The following SASH1 variants were observed in gnomAD, a reference collection of about 807,000 sequenced individuals.
SASH1 encodes SAM and SH3 domain-containing protein 1.
A neutral mutation model predicts 125.2 loss-of-function variants in SASH1; 44 were observed. The ratio of observed to expected loss-of-function variants is 0.35; its 90% CI spans 0.28 to 0.45. SASH1 has a LOEUF of 0.45. Among genes scored for constraint, SASH1 ranks in the 20% least tolerant of loss-of-function variants. The pLI, the probability that SASH1 is intolerant of heterozygous loss-of-function variation, is 1.00. For synonymous variants in SASH1, 639 were observed against 649.1 expected, an observed-to-expected ratio of 0.98 and a Z score of 0.24; for missense variants, 1,426 against 1,614.5, an observed-to-expected ratio of 0.88 and a Z score of 2.00.
the SASH1 span, among the ~76,000 whole-genome samples, chr6:148,242,089 G>A: frequency 5.3e-5 from 8 of 152,248 alleles, no homozygotes; most frequent in East Asian, 1.9e-4. Context: ...TTCCACACAC[G>A]GACATCGTAA....
chr6:148,343,357 G>C (rs1781408109), intron 1 of SASH1, 134 bp downstream of exon 1: 2 of 749,494 alleles, frequency 2.7e-6, no homozygotes, highest in Non-Finnish European at 4.2e-6. Context: ...CTAGTTCTTA[G>C]GGGGCTAAAT....
At chr6:148,326,424 A>T (rs1582969132) in intron 1 of SASH1, among the ~76,000 whole-genome samples, 4 of 47,708 alleles carry the variant, frequency 8.4e-5, no homozygotes, top group East Asian at 8.8e-4. Flanking sequence ...CTTTTTTTTG[A>T]GACAGGGTCT....
the SASH1 span, among the ~76,000 whole-genome samples, chr6:148,223,543 T>G: frequency 6.6e-6 from 1 of 152,200 alleles, no homozygotes; most frequent in Admixed American, 6.5e-5. Context: ...CTTTAAACTA[T>G]GTTGCTTCTC....
intron 4 of SASH1, among the ~76,000 whole-genome samples, chr6:148,457,890 C>T (rs1036568364): frequency 1.3e-5 from 2 of 152,194 alleles, no homozygotes; most frequent in East Asian, 3.8e-4. Context: ...CCTTATAAAA[C>T]CATCAGCTCT....
intron 1 of SASH1, among the ~76,000 whole-genome samples, chr6:148,318,686 C>T (rs928837783): frequency 6.6e-6 from 1 of 150,814 alleles, no homozygotes; most frequent in Non-Finnish European, 1.5e-5. Context: ...ACGAGTAGCT[C>T]GGACTACAGG....
At chr6:148,293,138 G>T (rs1214393887) in intron 1 of SASH1, among the ~76,000 whole-genome samples, 1 of 152,064 alleles carries the variant, frequency 6.6e-6, no homozygotes, top group Non-Finnish European at 1.5e-5. Flanking sequence ...ATCTCAAAGG[G>T]CTCATTTCAC....
intron 1 of SASH1, among the ~76,000 whole-genome samples, chr6:148,333,566 C>CTGT (rs896288557): frequency 6.6e-6 from 1 of 151,502 alleles, no homozygotes; most frequent in African/African-American, 2.4e-5. Context: ...ATCGTTGTCG[C>CTGT]TGTTGTTGTT....
chr6:148,486,991 A>ATG (rs1778889052), intron 7 of SASH1, among the ~76,000 whole-genome samples: 1 of 78,902 alleles, frequency 1.3e-5, no homozygotes, highest in East Asian at 3.9e-4. Flanking sequence ...ATATATATAT[A>ATG]TATGTATTTG....
intron 19 of SASH1, 112 bp downstream of exon 19, chr6:148,546,258 A>AGAC (rs1489482705): frequency 7.8e-7 from 1 of 1,278,310 alleles, no homozygotes; most frequent in African/African-American, 1.5e-5. Context: ...TATGGAAAGG[A>AGAC]GACAGCTGGG....
At chr6:148,316,125 T>C (rs1348171573) in intron 1 of SASH1, among the ~76,000 whole-genome samples, 1 of 152,222 alleles carries the variant, frequency 6.6e-6, no homozygotes, top group East Asian at 1.9e-4. Context: ...AAAACCTTTA[T>C]TATTTTTCCA....
intron 8 of SASH1, chr6:148,512,589 C>G: frequency 1.0e-6 from 1 of 985,152 alleles, no homozygotes; most frequent in Non-Finnish European, 1.2e-6. Context: ...TCAAACCAGA[C>G]AAAACCATTT....
At chr6:148,301,384 G>A (rs181410873) in intron 1 of SASH1, among the ~76,000 whole-genome samples, 91 of 148,238 alleles carry the variant, frequency 6.1e-4, no homozygotes, top group Non-Finnish European at 1.2e-3. Flanking sequence ...TCCTGCCTCT[G>A]CTTCCCGAGT....
the SASH1 span, among the ~76,000 whole-genome samples, chr6:148,244,844 G>T: frequency 6.6e-6 from 1 of 151,954 alleles, no homozygotes; most frequent in Non-Finnish European, 1.5e-5. Flanking sequence ...AAGGAAGAAA[G>T]AACTTCATTT....
chr6:148,449,607 G>A (rs1235635315), intron 4 of SASH1, among the ~76,000 whole-genome samples: 1 of 151,932 alleles, frequency 6.6e-6, no homozygotes, highest in Non-Finnish European at 1.5e-5. Flanking sequence ...GCCTGGTCTC[G>A]AACTCCCGAC....
chr6:148,455,424 T>A (rs1374062431), intron 4 of SASH1, among the ~76,000 whole-genome samples: 1 of 152,138 alleles, frequency 6.6e-6, no homozygotes, highest in Non-Finnish European at 1.5e-5. Context: ...ACGGTGACCT[T>A]GGAAAGCTTC....
intron 4 of SASH1, among the ~76,000 whole-genome samples, chr6:148,449,854 CAA>C (rs750491865): frequency 1.3e-5 from 2 of 152,158 alleles, no homozygotes; most frequent in African/African-American, 2.4e-5. Flanking sequence ...CAGGACCAAA[CAA>C]GAGAGTAACC....
At chr6:148,239,281 CAG>C in the SASH1 span, among the ~76,000 whole-genome samples, 1 of 152,158 alleles carries the variant, frequency 6.6e-6, no homozygotes, top group African/African-American at 2.4e-5. Context: ...GATAACATAA[CAG>C]TGTGATCCTT....
Position 148,486,607 on chromosome 6 carries a change from CAT to C in SASH1, c.628-1006_628-1005del, listed in dbSNP as rs202068653. Among the ~76,000 whole-genome samples, 1,245 of 151,796 alleles carry C rather than the reference CAT, an allele frequency of 8.2e-3. 23 individuals carry two copies. Among genetic ancestry groups the C allele is most frequent in the African/African-American group, 0.029 (1,192 of 41,336 alleles). ...TTGAAGCCATTTTGAACAAGACAAACATGTGATTGTTAAAAATCTGTTTCAGG... is the reference window on the plus strand; with the variant it reads ...TTGAAGCCATTTTGAACAAGACAAACGTGATTGTTAAAAATCTGTTTCAGG... On this transcript the variant is annotated intron_variant, in intron 7 of 19. Transcript: ENST00000367467.
intron 8 of SASH1, chr6:148,513,421 G>A: frequency 1.0e-6 from 1 of 985,488 alleles, no homozygotes; most frequent in Non-Finnish European, 1.2e-6. Context: ...CTCTTATGCT[G>A]TTTCACATTT....
Sources: gnomAD v4.1 joint callset for allele counts (sites outside exome capture counted in the v4.1 genomes callset) on GRCh38, gnomAD v4.1.1 for gene constraint, MANE v1.5 for transcripts, NCBI Gene and HGNC (gene_info 2026-07-23, HGNC 2026-07-21) for gene names.